Variants in ZFYVE28 observed in about 807,000 individuals in gnomAD.
The protein encoded by ZFYVE28 is lateral signaling target protein 2 homolog.
A neutral mutation model predicts 82.1 loss-of-function variants in ZFYVE28; 40 were observed. That is an observed-to-expected ratio of 0.49 (90% confidence interval 0.38 to 0.63). The LOEUF is 0.63. ZFYVE28 is among the 30% of genes least tolerant of loss of function. The pLI, the probability that ZFYVE28 is intolerant of heterozygous loss-of-function variation, is 0.00. For synonymous variants in ZFYVE28, 612 were observed against 546.1 expected (o/e 1.12, Z -1.68); for missense variants, 1,321 against 1,242.1 (o/e 1.06, Z -0.96).
rs1290207268 is a variant in ZFYVE28, at chr4:2,394,918, A to G, written c.39+23367T>C. ...TCTCTTCCCTGCAAAGGGTAAGGCC[A>G]GCCCTAATGATGCTCTCTCACTTCC... is the stretch of plus-strand genomic sequence containing the variant. On this transcript the variant is annotated intron_variant, in intron 1 of 12. Transcript: ENST00000290974. The surrounding 1 kb of genome is among the most constrained non-coding windows in gnomAD (Gnocchi z 4.0). Among the ~76,000 whole-genome samples the G allele has an allele frequency of 6.6e-6, 1 of 152,256 alleles. No individual in the cohort carries two copies. The highest frequency in any genetic ancestry group is 1.9e-4 in the East Asian group (1 of 5,200).
At chr4:2,363,003 GTCCCC>G (rs60915656) in intron 1 of ZFYVE28, among the ~76,000 whole-genome samples, 28,340 of 151,946 alleles carry the variant, frequency 0.19, 2,746 homozygotes, top group Middle Eastern at 0.29. Flanking sequence ...CATCCCCGTG[GTCCCC>G]TCAACCCCAT....
At position 2,375,342 on chromosome 4, in the gene ZFYVE28, C is replaced by T. The variant is rs576787639; in HGVS notation, c.40-21269G>A. Reference sequence around the variant, plus strand: ...TTAAGTTCTAACAAGGCCCAAATCACCCAGGGTCAATCAGCCGGGCCAGCA... The same window carrying T: ...TTAAGTTCTAACAAGGCCCAAATCATCCAGGGTCAATCAGCCGGGCCAGCA... On this transcript the variant is annotated intron_variant, in intron 1 of 12. Transcript: ENST00000290974. Among the ~76,000 whole-genome samples the T allele has an allele frequency of 5.3e-4, 81 of 152,330 alleles. 3 individuals carry two copies. The South Asian group carries it at 0.016, about 30-fold the overall frequency.
At chr4:2,276,478 C>T (rs1015360796) in intron 8 of ZFYVE28, among the ~76,000 whole-genome samples, 6 of 152,206 alleles carry the variant, frequency 3.9e-5, no homozygotes, top group African/African-American at 1.4e-4. Context: ...CAGAGCCTTA[C>T]CCAAAGGAAC....
chr4:2,327,556 C>G (rs1250519036), intron 6 of ZFYVE28, among the ~76,000 whole-genome samples: 1 of 151,130 alleles, frequency 6.6e-6, no homozygotes, highest in Non-Finnish European at 1.5e-5. Context: ...AAGGCACATT[C>G]TTTCTTTTTT....
intron 1 of ZFYVE28, among the ~76,000 whole-genome samples, chr4:2,404,312 A>AAAAAG (rs1731555663): frequency 6.8e-6 from 1 of 146,790 alleles, no homozygotes; most frequent in Non-Finnish European, 1.5e-5. Context: ...TCCGCCTCAA[A>AAAAAG]AAAAAAAAAA....
At position 2,304,531 on chromosome 4, in the gene ZFYVE28, G is replaced by A. The variant is rs150084032; in HGVS notation, c.1809C>T (p.Ser603=). The part of the protein sequence containing the change: ...ASYAAGLAKA[S]DRAPERQEEA... ...CCTCCTGTCTCTCAGGGGCCCTGTC[G>A]CTGGCCTTGGCTAAGCCGGCAGCGT... is the stretch of plus-strand genomic sequence containing the variant. The change falls in exon 8 of 13, where the codon AGC becomes AGT. Residue 603 remains serine (S), a synonymous_variant. Coordinates refer to ENST00000290974, the MANE Select transcript of ZFYVE28 (RefSeq NM_020972.3). 107 of 1,612,618 alleles carry A rather than the reference G, an allele frequency of 6.6e-5. No homozygotes were observed. The highest frequency in any genetic ancestry group is 2.1e-4 in the African/African-American group (16 of 75,064).
intron 8 of ZFYVE28, among the ~76,000 whole-genome samples, chr4:2,275,551 G>A (rs1736345047): frequency 6.6e-6 from 1 of 152,176 alleles, no homozygotes; most frequent in African/African-American, 2.4e-5. Context: ...CTGGCATCCT[G>A]CACGGCCTCT....
At chr4:2,406,721 T>C (rs1731964647) in intron 1 of ZFYVE28, 1 of 152,270 alleles carries the variant, frequency 6.6e-6, no homozygotes, top group African/African-American at 2.4e-5. Context: ...GGGAGGTGGA[T>C]TTGCTCCACT....
At chr4:2,340,520 G>A (rs977259432) in intron 3 of ZFYVE28, among the ~76,000 whole-genome samples, 1 of 152,240 alleles carries the variant, frequency 6.6e-6, no homozygotes, top group African/African-American at 2.4e-5. Flanking sequence ...TTTCCCAGGT[G>A]ACAGAATGAG....
In ZFYVE28 at chr4:2,305,237, G is replaced by T; in HGVS notation, c.1103C>A (p.Ser368Tyr). 6.2e-7 allele frequency: 1 copy of T among 1,611,440 alleles called. No individual in the cohort carries two copies. Among genetic ancestry groups the T allele is most frequent in the Non-Finnish European group, 8.5e-7 (1 of 1,178,862 alleles). Residue 368 changes from serine to tyrosine, a missense_variant, in exon 8 of 13, where the codon TCC (serine) becomes TAC (tyrosine). Coordinates refer to ENST00000290974, the MANE Select transcript of ZFYVE28 (RefSeq NM_020972.3). ...CTCCGCTCCTGGCCTGTGAGCTGGG[G>T]ACTGGCAGGCAATGGGCGGTGAAAG... ...SLLSPPIACQ[S>Y]PAHRPGAEGS... is the part of the protein sequence containing the mutation.
At chr4:2,273,343 C>G in intron 9 of ZFYVE28, 54 bp from the exon 10 acceptor site, 1 of 1,519,718 alleles carries the variant, frequency 6.6e-7, no homozygotes, top group Non-Finnish European at 9.0e-7. Context: ...GAAGGAACTG[C>G]GGAGGTCGGT....
chr4:2,368,907 C>T (rs1319320504), intron 1 of ZFYVE28, among the ~76,000 whole-genome samples: 2 of 152,222 alleles, frequency 1.3e-5, no homozygotes, highest in Non-Finnish European at 2.9e-5. Flanking sequence ...AAAGAGGCTG[C>T]ACCATTCAAC....
At chr4:2,293,259 T>C (rs1002804823) in intron 8 of ZFYVE28, among the ~76,000 whole-genome samples, 5 of 152,214 alleles carry the variant, frequency 3.3e-5, no homozygotes, top group Non-Finnish European at 5.9e-5. Context: ...TTTCATTGTT[T>C]TCATTCGACG....
chr4:2,293,280 G>C (rs960803901), intron 8 of ZFYVE28, among the ~76,000 whole-genome samples: 2 of 152,132 alleles, frequency 1.3e-5, no homozygotes, highest in Non-Finnish European at 2.9e-5. Flanking sequence ...TTATACTGGA[G>C]GTTCTGGCTG....
intron 1 of ZFYVE28, among the ~76,000 whole-genome samples, chr4:2,415,466 A>ACACACACACACT (rs1560365935): frequency 6.6e-6 from 1 of 151,812 alleles, no homozygotes. Context: ...ACACACACAC[A>ACACACACACACT]CACACACACA....
chr4:2,369,850 C>CTT (rs1408650676), intron 1 of ZFYVE28, among the ~76,000 whole-genome samples: 1,647 of 60,974 alleles, frequency 0.027, 48 homozygotes, highest in Non-Finnish European at 0.033. Flanking sequence ...TTTTTCTTTT[C>CTT]TTTTTTTTTT....
intron 3 of ZFYVE28, among the ~76,000 whole-genome samples, chr4:2,340,449 A>T (rs927361499): frequency 6.6e-6 from 1 of 152,166 alleles, no homozygotes; most frequent in Non-Finnish European, 1.5e-5. Context: ...CAGGTTTAGG[A>T]TAGAACCAAT....
Position 2,304,712 on chromosome 4 carries a change from T to C in ZFYVE28, c.1628A>G (p.Glu543Gly). Reference sequence around the variant, plus strand: ...CTTGTGGGGGCCGCCATCCATCCCCTCGGCCACGGGCTCCGAGGCGGCCTC... The same window carrying C: ...CTTGTGGGGGCCGCCATCCATCCCCCCGGCCACGGGCTCCGAGGCGGCCTC... ...TQEAASEPVA[E>G]GMDGGPHKLS... The change falls in exon 8 of 13, where the codon GAG (glutamate) becomes GGG (glycine). Residue 543 changes from glutamate to glycine, a missense_variant. Transcript: ENST00000290974. 6.2e-7 allele frequency: 1 copy of C among 1,612,636 alleles called. No homozygotes were observed. The highest frequency in any genetic ancestry group is 8.5e-7 in the Non-Finnish European group (1 of 1,179,908).
intron 1 of ZFYVE28, among the ~76,000 whole-genome samples, chr4:2,357,536 T>C (rs1349225334): frequency 6.6e-6 from 1 of 152,164 alleles, no homozygotes; most frequent in Non-Finnish European, 1.5e-5. Flanking sequence ...AGCTCCCTTA[T>C]GGCCCCAAAC....
Sources: allele counts gnomAD v4.1 joint callset (sites outside exome capture counted in the v4.1 genomes callset), GRCh38; gene constraint gnomAD v4.1.1; non-coding constraint Gnocchi (gnomAD v3.1); transcripts MANE v1.5; gene names NCBI Gene and HGNC (gene_info 2026-07-23, HGNC 2026-07-21).